Variants in FHOD3 observed in about 807,000 individuals in gnomAD.
FHOD3 encodes the protein formin homology 2 domain containing 3, also known as FH1/FH2 domain-containing protein 3.
A neutral mutation model predicts 173.0 loss-of-function variants in FHOD3; 90 were observed. That is an observed-to-expected ratio of 0.52 (90% CI 0.44 to 0.62). The LOEUF is 0.62. FHOD3 is among the 20% of genes least tolerant of loss of function. The pLI is 0.00. For synonymous variants in FHOD3, 828 were observed against 823.0 expected (o/e 1.01, Z -0.10); for missense variants, 1,945 against 2,034.7 (o/e 0.96, Z 0.85).
chr18:36,641,692 A>T (rs1299839715), intron 10 of FHOD3, among the ~76,000 whole-genome samples: 1 of 152,156 alleles, frequency 6.6e-6, no homozygotes, highest in Admixed American at 6.5e-5. Context: ...ACGGTGGCTC[A>T]TGTCTATAAT....
chr18:36,493,976 C>CTGATA, intron 3 of FHOD3, among the ~76,000 whole-genome samples: 1 of 152,292 alleles, frequency 6.6e-6, no homozygotes, highest in East Asian at 1.9e-4. Flanking sequence ...TTTATAGACC[C>CTGATA]CAAAGCGTGA....
chr18:36,590,776 A>G (rs2148284712), intron 6 of FHOD3, among the ~76,000 whole-genome samples: 1 of 152,366 alleles, frequency 6.6e-6, no homozygotes, highest in Non-Finnish European at 1.5e-5. Flanking sequence ...AGGCATGTTG[A>G]GACCAATAGA....
chr18:36,662,781 A>T lies in FHOD3; in HGVS notation c.1835+4593A>T, dbSNP rs183062793. 3.2e-4 allele frequency among the ~76,000 whole-genome samples: 48 copies of T among 152,208 alleles called. 2 individuals are homozygous for T. The highest frequency in any genetic ancestry group is 1.5e-5 in the Non-Finnish European group (1 of 68,032). ...TGGTCAATATGTTATTATTAACTAT[A>T]GGCACTATGTTATGTAGGAGAGCTC... is the stretch of plus-strand genomic sequence containing the variant. On this transcript the variant is annotated intron_variant, in intron 14 of 28. Transcript: ENST00000590592.
intron 3 of FHOD3, 84 bp downstream of exon 3, chr18:36,372,828 G>C (rs1294025555): frequency 2.5e-6 from 3 of 1,218,480 alleles, no homozygotes; most frequent in Admixed American, 1.9e-5. Context: ...CTGTTATGCT[G>C]TCTGTTTGCA....
intron 15 of FHOD3, among the ~76,000 whole-genome samples, chr18:36,686,063 A>G (rs1452946600): frequency 6.6e-6 from 1 of 152,078 alleles, no homozygotes; most frequent in Non-Finnish European, 1.5e-5. Context: ...AGAGACCTAG[A>G]ACCAGAAATG....
At chr18:36,451,170 C>G (rs1168059888) in intron 3 of FHOD3, among the ~76,000 whole-genome samples, 1 of 152,166 alleles carries the variant, frequency 6.6e-6, no homozygotes, top group Non-Finnish European at 1.5e-5. Flanking sequence ...AGTTGAAAAA[C>G]TAAATACTGA....
chr18:36,368,177 G>A (rs2046998118), intron 2 of FHOD3, among the ~76,000 whole-genome samples: 1 of 152,084 alleles, frequency 6.6e-6, no homozygotes, highest in Non-Finnish European at 1.5e-5. Flanking sequence ...GGCTCAGGCA[G>A]TTGTGGGGAC....
intron 15 of FHOD3, among the ~76,000 whole-genome samples, chr18:36,685,053 C>T (rs969355127): frequency 6.6e-6 from 1 of 152,180 alleles, no homozygotes; most frequent in Non-Finnish European, 1.5e-5. Context: ...GATCCTTCTG[C>T]CTCAACCTCT....
At chr18:36,562,057 C>T (rs967119667) in intron 5 of FHOD3, among the ~76,000 whole-genome samples, 2 of 150,874 alleles carry the variant, frequency 1.3e-5, no homozygotes, top group African/African-American at 4.9e-5. Flanking sequence ...CACTCTGTTA[C>T]CCAGGCTGGA....
chr18:36,562,928 C>G (rs1449107137), intron 5 of FHOD3, among the ~76,000 whole-genome samples: 1 of 152,122 alleles, frequency 6.6e-6, no homozygotes, highest in East Asian at 1.9e-4. Context: ...TGTGATGATT[C>G]TCCTCTGTGG....
chr18:36,535,721 T>A (rs1277109583), intron 5 of FHOD3, among the ~76,000 whole-genome samples: 1 of 152,198 alleles, frequency 6.6e-6, no homozygotes, highest in African/African-American at 2.4e-5. Flanking sequence ...ATATTTTATG[T>A]GATTGTTGTA....
At chr18:36,500,344 A>G (rs1037762655) in intron 3 of FHOD3, among the ~76,000 whole-genome samples, 1 of 152,060 alleles carries the variant, frequency 6.6e-6, no homozygotes, top group Non-Finnish European at 1.5e-5. Flanking sequence ...GGGCCTATCC[A>G]TTTCCTGGGC....
chr18:36,523,711 C>CT (rs2056382819), intron 5 of FHOD3, among the ~76,000 whole-genome samples: 1 of 152,182 alleles, frequency 6.6e-6, no homozygotes, highest in Non-Finnish European at 1.5e-5. Flanking sequence ...GTTGGGGCTG[C>CT]TAGGCTTGGG....
chr18:36,477,282 C>T (rs939495661), intron 3 of FHOD3, among the ~76,000 whole-genome samples: 1 of 152,078 alleles, frequency 6.6e-6, no homozygotes, highest in Non-Finnish European at 1.5e-5. Flanking sequence ...GGGCAGGAAA[C>T]AGAGTCAATG....
intron 14 of FHOD3, among the ~76,000 whole-genome samples, chr18:36,664,651 CTGACT>C (rs1459125684): frequency 6.6e-6 from 1 of 152,090 alleles, no homozygotes; most frequent in African/African-American, 2.4e-5. Flanking sequence ...TGTTTTAGAT[CTGACT>C]TGACTTTTTC....
At chr18:36,618,269 A>C (rs1265754219) in intron 9 of FHOD3, among the ~76,000 whole-genome samples, 1 of 117,900 alleles carries the variant, frequency 8.5e-6, no homozygotes, top group Non-Finnish European at 1.8e-5. Flanking sequence ...CCATCATTGC[A>C]TTCTTGTAAT....
chr18:36,705,538 T>C (rs1249871075), intron 17 of FHOD3, among the ~76,000 whole-genome samples: 1 of 152,102 alleles, frequency 6.6e-6, no homozygotes, highest in Admixed American at 6.5e-5. Flanking sequence ...GAGGTGGGGG[T>C]TTCCCTGTGC....
intron 1 of FHOD3, among the ~76,000 whole-genome samples, chr18:36,308,920 C>T (rs2092175666): frequency 6.6e-6 from 1 of 152,192 alleles, no homozygotes; most frequent in Non-Finnish European, 1.5e-5. Context: ...GATGTTATAA[C>T]TCCTCCCCCA....
intron 3 of FHOD3, among the ~76,000 whole-genome samples, chr18:36,416,495 A>G (rs919886865): frequency 1.3e-5 from 2 of 152,240 alleles, no homozygotes; most frequent in Non-Finnish European, 2.9e-5. Flanking sequence ...TGAATGAGCC[A>G]TGATCTGCTC....
Sources: allele counts gnomAD v4.1 joint callset (sites outside exome capture counted in the v4.1 genomes callset), GRCh38; gene constraint gnomAD v4.1.1; transcripts MANE v1.5; gene names NCBI Gene and HGNC (gene_info 2026-07-23, HGNC 2026-07-21).